The following NPAS3 variants were observed in gnomAD, a reference collection of about 807,000 sequenced individuals.
NPAS3 encodes neuronal PAS domain protein 3.
A neutral mutation model predicts 73.1 loss-of-function variants in NPAS3; 14 were observed. The observed-to-expected ratio is 0.19, with a 90% CI of 0.13 to 0.30. The LOEUF (loss-of-function observed/expected upper bound fraction) is 0.30. Among genes scored for constraint, NPAS3 ranks in the 10% least tolerant of loss-of-function variants. NPAS3 has a pLI of 1.00. For missense variants in NPAS3, 1,096 were observed against 1,250.0 expected (o/e 0.88, Z 1.86); for synonymous variants, 620 against 541.5 (o/e 1.14, Z -2.01).
intron 4 of NPAS3, among the ~76,000 whole-genome samples, chr14:33,376,644 T>A (rs2046324215): frequency 6.6e-6 from 1 of 152,184 alleles, no homozygotes; most frequent in Admixed American, 6.6e-5. Flanking sequence ...TGTATCCACA[T>A]CTCCAGACAT....
chr14:33,092,619 T>A (rs1433615111), intron 2 of NPAS3, among the ~76,000 whole-genome samples: 6 of 152,210 alleles, frequency 3.9e-5, no homozygotes, highest in Admixed American at 3.3e-4. Flanking sequence ...AAAAAACTAC[T>A]TTAAAGTTCA....
At chr14:32,971,936 CTTTT>C (rs66998179) in intron 1 of NPAS3, among the ~76,000 whole-genome samples, 1 of 112,950 alleles carries the variant, frequency 8.9e-6, no homozygotes, top group East Asian at 2.6e-4. Flanking sequence ...CAGTGGGACT[CTTTT>C]TTTTTTTTTT....
chr14:33,715,994 T>A (rs2060947059), intron 6 of NPAS3, among the ~76,000 whole-genome samples: 1 of 152,230 alleles, frequency 6.6e-6, no homozygotes, highest in Admixed American at 6.5e-5. Flanking sequence ...CATGTGGAAC[T>A]GTTAGTCCAT....
At chr14:33,647,696 C>A (rs1402886658) in intron 5 of NPAS3, among the ~76,000 whole-genome samples, 3 of 152,082 alleles carry the variant, frequency 2.0e-5, no homozygotes, top group African/African-American at 7.2e-5. Context: ...TAAGTAGTAG[C>A]CAGATTTGAA....
chr14:33,052,299 G>A (rs1299356106), intron 1 of NPAS3, among the ~76,000 whole-genome samples: 1 of 152,054 alleles, frequency 6.6e-6, no homozygotes, highest in Non-Finnish European at 1.5e-5. Flanking sequence ...GCTGTCAGTT[G>A]TTCTCTGGTA....
At chr14:33,748,348 C>T (rs1190648021) in intron 7 of NPAS3, among the ~76,000 whole-genome samples, 1 of 152,134 alleles carries the variant, frequency 6.6e-6, no homozygotes, top group African/African-American at 2.4e-5. Context: ...ATGGTTGACA[C>T]ATTCTATGAC....
intron 2 of NPAS3, among the ~76,000 whole-genome samples, chr14:33,135,224 G>A (rs751898405): frequency 1.2e-4 from 18 of 152,188 alleles, no homozygotes; most frequent in Non-Finnish European, 1.9e-4. Flanking sequence ...ATAGGGACAA[G>A]TAAAAGTGAG....
At chr14:33,575,214 T>C (rs1264034795) in intron 5 of NPAS3, among the ~76,000 whole-genome samples, 2 of 152,224 alleles carry the variant, frequency 1.3e-5, no homozygotes, top group African/African-American at 4.8e-5. Context: ...CACTGCTGTA[T>C]GGTCTCCTGC....
chr14:33,799,806 G>A lies in NPAS3; in HGVS notation c.1499G>A (p.Arg500Gln), dbSNP rs144067606. 2.5e-6 allele frequency: 4 copies of A among 1,613,274 alleles called. No homozygotes were observed. The highest frequency in any genetic ancestry group is 2.7e-5 in the African/African-American group (2 of 74,912). Residue 500 changes from arginine to glutamine, a missense_variant, in exon 12 of 12, where the codon CGG becomes CAG. Physicochemically the swap from Arg to Gln is conservative, Grantham distance 43 (BLOSUM62 1). Transcript: ENST00000356141. ...AACAGCGAAGACCCGGAGCCCGACC[G>A]GAAGAAGTCGGGCAACGCGTGTGAC...
chr14:33,262,316 TA>T (rs2049002899), intron 3 of NPAS3, among the ~76,000 whole-genome samples: 1 of 152,192 alleles, frequency 6.6e-6, no homozygotes, highest in Admixed American at 6.5e-5. Flanking sequence ...AGCCAAGAAA[TA>T]AGTGTAGGCA....
intron 4 of NPAS3, among the ~76,000 whole-genome samples, chr14:33,393,324 G>A (rs2047085083): frequency 6.6e-6 from 1 of 152,144 alleles, no homozygotes; most frequent in African/African-American, 2.4e-5. Context: ...CACAGTTAAA[G>A]GAATAAGGAT....
At chr14:33,124,128 A>C (rs2043339810) in intron 2 of NPAS3, among the ~76,000 whole-genome samples, 1 of 152,092 alleles carries the variant, frequency 6.6e-6, no homozygotes. Context: ...TGCTAAGATT[A>C]CAGGTGTGAG....
intron 2 of NPAS3, among the ~76,000 whole-genome samples, chr14:33,102,767 T>A (rs2042613894): frequency 1.3e-5 from 2 of 152,204 alleles, no homozygotes; most frequent in Non-Finnish European, 2.9e-5. Context: ...AGACAGCAGT[T>A]GTCATGCACT....
chr14:33,534,583 G>A (rs1228845848), intron 4 of NPAS3, among the ~76,000 whole-genome samples: 2 of 152,180 alleles, frequency 1.3e-5, no homozygotes, highest in African/African-American at 2.4e-5. Flanking sequence ...ACAATAGTAT[G>A]TAGTGAGAAA....
At chr14:33,055,758 A>G in intron 1 of NPAS3, 147 bp from the exon 2 acceptor site, 1 of 477,554 alleles carries the variant, frequency 2.1e-6, no homozygotes, top group Non-Finnish European at 3.7e-6. Context: ...TTAATGTTCT[A>G]AAATGTATGT....
chr14:33,537,369 T>C (rs1183739531), intron 4 of NPAS3, among the ~76,000 whole-genome samples: 1 of 152,200 alleles, frequency 6.6e-6, no homozygotes, highest in Admixed American at 6.5e-5. Flanking sequence ...CACTTTGATA[T>C]GCTCAAACAG....
At position 33,451,046 on chromosome 14, in the gene NPAS3, A is replaced by G. The variant is rs182840839; in HGVS notation, c.468+83778A>G. Among the ~76,000 whole-genome samples the G allele has an allele frequency of 4.6e-5, 7 of 152,310 alleles. No individual in the cohort carries two copies. In the East Asian group the frequency reaches 1.2e-3, roughly 25 times the overall value. On this transcript the variant is annotated intron_variant, in intron 4 of 11. Transcript: ENST00000356141. ...TTAAGTTGTGTAGTCTTACTCTATT[A>G]TTGTGGATCAAATTGTTTATCGTTC... is the stretch of plus-strand genomic sequence containing the variant.
At chr14:33,801,071 A>G (rs2063702468) in exon 12 of NPAS3, 1 of 1,593,654 alleles carries the variant, frequency 6.3e-7, no homozygotes, top group Non-Finnish European at 8.5e-7. Context: ...CAGCAACGGC[A>G]TCCACGCGGC....
chr14:33,623,386 A>T (rs1287237724), intron 5 of NPAS3, among the ~76,000 whole-genome samples: 1 of 152,176 alleles, frequency 6.6e-6, no homozygotes, highest in Non-Finnish European at 1.5e-5. Flanking sequence ...ATAACACTGG[A>T]GGCATATTTG....
Sources: gnomAD v4.1 joint callset for allele counts (sites outside exome capture counted in the v4.1 genomes callset) on GRCh38, gnomAD v4.1.1 for gene constraint, MANE v1.5 for transcripts, NCBI Gene and HGNC (gene_info 2026-07-23, HGNC 2026-07-21) for gene names.